LRRTM4: variants seen among roughly 807,000 people sequenced by gnomAD.
The protein encoded by LRRTM4 is leucine-rich repeat transmembrane neuronal protein 4.
Under a neutral mutation model 47.6 loss-of-function variants are expected in LRRTM4, and 25 were observed. The observed-to-expected ratio is 0.53, with a 90% CI of 0.38 to 0.73. The LOEUF (loss-of-function observed/expected upper bound fraction) is 0.73, where lower values mean the gene tolerates loss of function less well. Among genes scored for constraint, LRRTM4 ranks in the 30% least tolerant of loss-of-function variants. The probability of loss-of-function intolerance (pLI) is 0.00; values close to 1 mark genes in which losing one functional copy is unlikely to be tolerated. For missense variants in LRRTM4, 638 were observed against 713.4 expected, an observed-to-expected ratio of 0.89 and a Z score of 1.20; for synonymous variants, 311 against 269.5, an observed-to-expected ratio of 1.15 and a Z score of -1.51.
At chr2:77,294,862 G>T (rs1676928195) in intron 3 of LRRTM4, among the ~76,000 whole-genome samples, 1 of 151,968 alleles carries the variant, frequency 6.6e-6, no homozygotes, top group Non-Finnish European at 1.5e-5. Flanking sequence ...ATGTACATAG[G>T]ATTTATATTT....
intron 3 of LRRTM4, among the ~76,000 whole-genome samples, chr2:77,189,391 A>G (rs2103874764): frequency 6.6e-6 from 1 of 152,286 alleles, no homozygotes; most frequent in Admixed American, 6.5e-5. Context: ...GTTATGGACT[A>G]AAGGTTTGTG....
At chr2:77,015,312 G>C (rs1209392591) in intron 3 of LRRTM4, among the ~76,000 whole-genome samples, 5 of 152,080 alleles carry the variant, frequency 3.3e-5, no homozygotes, top group Non-Finnish European at 5.9e-5. Context: ...CTGATACATG[G>C]AGGAAGTTGT....
At chr2:77,226,958 A>G (rs1214849010) in intron 3 of LRRTM4, among the ~76,000 whole-genome samples, 1 of 152,024 alleles carries the variant, frequency 6.6e-6, no homozygotes, top group Non-Finnish European at 1.5e-5. Flanking sequence ...GCTCCAGGTT[A>G]TATTTTCAAT....
intron 3 of LRRTM4, among the ~76,000 whole-genome samples, chr2:77,091,202 C>T (rs909036557): frequency 6.6e-6 from 1 of 151,476 alleles, no homozygotes; most frequent in Admixed American, 6.6e-5. Context: ...CTCATTGCCG[C>T]CCTTCTTCCC....
intron 3 of LRRTM4, among the ~76,000 whole-genome samples, chr2:76,795,584 CACACACAT>C (rs998919434): frequency 1.9e-5 from 2 of 102,688 alleles, no homozygotes; most frequent in South Asian, 2.8e-4. Context: ...TATATGCACA[CACACACAT>C]ACACACACAC....
intron 3 of LRRTM4, among the ~76,000 whole-genome samples, chr2:77,441,152 G>A (rs139896358): frequency 1.5e-3 from 231 of 152,168 alleles, no homozygotes; most frequent in African/African-American, 5.4e-3. Context: ...AGATGATCTG[G>A]TATAATTTCT....
chr2:77,118,329 A>T (rs1205185944), intron 3 of LRRTM4, among the ~76,000 whole-genome samples: 1 of 151,926 alleles, frequency 6.6e-6, no homozygotes, highest in Non-Finnish European at 1.5e-5. Flanking sequence ...AGACAATGCC[A>T]AAACTCAGAA....
intron 3 of LRRTM4, among the ~76,000 whole-genome samples, chr2:77,175,951 GC>G (rs1558619472): frequency 1.3e-5 from 2 of 149,958 alleles, no homozygotes; most frequent in African/African-American, 4.9e-5. Flanking sequence ...GAGCCACTGC[GC>G]CCGCTACTCC....
intron 3 of LRRTM4, among the ~76,000 whole-genome samples, chr2:77,362,560 T>C (rs1404378995): frequency 6.6e-6 from 1 of 152,168 alleles, no homozygotes; most frequent in Non-Finnish European, 1.5e-5. Context: ...TGTTCAGATA[T>C]CATCCTAAAA....
intron 3 of LRRTM4, among the ~76,000 whole-genome samples, chr2:76,960,238 C>G (rs1041252115): frequency 5.3e-5 from 8 of 151,528 alleles, no homozygotes; most frequent in African/African-American, 1.9e-4. Flanking sequence ...AAAAATGTTT[C>G]AAGTGTATCA....
chr2:77,128,470 C>T (rs1420188720), intron 3 of LRRTM4, among the ~76,000 whole-genome samples: 2 of 152,052 alleles, frequency 1.3e-5, no homozygotes, highest in African/African-American at 4.8e-5. Context: ...ATTGATGTAC[C>T]TGGGCCTATG....
chr2:77,064,404 G>C (rs1408329460), intron 3 of LRRTM4, among the ~76,000 whole-genome samples: 1 of 152,164 alleles, frequency 6.6e-6, no homozygotes, highest in Non-Finnish European at 1.5e-5. Flanking sequence ...AGGAAGCTAA[G>C]AAATGGTATC....
At chr2:77,458,433 T>G (rs946362597) in intron 3 of LRRTM4, among the ~76,000 whole-genome samples, 4 of 152,102 alleles carry the variant, frequency 2.6e-5, no homozygotes, top group Non-Finnish European at 4.4e-5. Flanking sequence ...TGGAGCCAGT[T>G]GTAGCACTGC....
At chr2:77,309,599 C>T (rs1324550690) in intron 3 of LRRTM4, among the ~76,000 whole-genome samples, 3 of 151,818 alleles carry the variant, frequency 2.0e-5, no homozygotes, top group African/African-American at 7.3e-5. Context: ...AAAGCTAGCC[C>T]CCTGGGATAC....
chr2:77,517,522 A>G (rs1457281072), intron 3 of LRRTM4: 1 of 985,088 alleles, frequency 1.0e-6, no homozygotes, highest in Non-Finnish European at 1.2e-6. Flanking sequence ...ACCAGGGACA[A>G]AGCCAAAGCA....
chr2:76,845,824 T>G (rs923639869), intron 3 of LRRTM4, among the ~76,000 whole-genome samples: 1 of 151,964 alleles, frequency 6.6e-6, no homozygotes, highest in African/African-American at 2.4e-5. Context: ...TGAACACAAC[T>G]CTGGTTCAAT....
chr2:77,153,664 T>C (rs1672486386), intron 3 of LRRTM4, among the ~76,000 whole-genome samples: 2 of 152,202 alleles, frequency 1.3e-5, no homozygotes, highest in African/African-American at 4.8e-5. Context: ...AAAGGGCATT[T>C]TTAGGGCTAA....
At chr2:77,289,693 G>A (rs990400622) in intron 3 of LRRTM4, among the ~76,000 whole-genome samples, 1 of 152,120 alleles carries the variant, frequency 6.6e-6, no homozygotes, top group South Asian at 2.1e-4. Flanking sequence ...AATGTAGGCA[G>A]ATTGATTGAA....
At chr2:77,306,231 G>A (rs2104178798) in intron 3 of LRRTM4, among the ~76,000 whole-genome samples, 1 of 152,242 alleles carries the variant, frequency 6.6e-6, no homozygotes, top group South Asian at 2.1e-4. Context: ...TTTAATATGT[G>A]TTGCCTTTGT....
Sources: gnomAD v4.1 joint callset for allele counts (sites outside exome capture counted in the v4.1 genomes callset) on GRCh38, gnomAD v4.1.1 for gene constraint, MANE v1.5 for transcripts, NCBI Gene and HGNC (gene_info 2026-07-23, HGNC 2026-07-21) for gene names.